Variants in KRT8 observed in about 807,000 individuals in gnomAD.
KRT8 encodes keratin, type II cytoskeletal 8.
In KRT8, 24 loss-of-function variants were observed where a neutral mutation model predicts 43.0. The ratio of observed to expected loss-of-function variants is 0.56; its 90% confidence interval spans 0.40 to 0.78. The LOEUF (loss-of-function observed/expected upper bound fraction) is 0.78. KRT8 is among the 30% of genes least tolerant of loss of function. KRT8 has a pLI of 0.00. For synonymous variants in KRT8, 214 were observed against 261.2 expected (o/e 0.82, Z 1.74); for missense variants, 492 against 638.4 (o/e 0.77, Z 2.47).
intron 2 of KRT8, among the ~76,000 whole-genome samples, chr12:52,925,440 T>G (rs893295312): frequency 3.3e-5 from 5 of 152,148 alleles, no homozygotes; most frequent in Non-Finnish European, 7.4e-5. Flanking sequence ...TGGCGCCATT[T>G]AGGGTCTGAA....
chr12:52,947,749 T>C (rs1482407325), intron 2 of KRT8: 2 of 147,760 alleles, frequency 1.4e-5, no homozygotes, highest in African/African-American at 5.1e-5. Context: ...CTCTGTTGTC[T>C]AGGCTGGAGT....
intron 2 of KRT8, among the ~76,000 whole-genome samples, chr12:52,918,422 G>A (rs1012257314): frequency 6.6e-6 from 1 of 152,096 alleles, no homozygotes; most frequent in Non-Finnish European, 1.5e-5. Context: ...GATCCCACCA[G>A]GCCGAGATGG....
At chr12:52,909,047 T>C (rs994308748), upstream of KRT8, among the ~76,000 whole-genome samples, 1 of 152,148 alleles carries the variant, frequency 6.6e-6, no homozygotes, top group Non-Finnish European at 1.5e-5. Flanking sequence ...AATTTGATGA[T>C]GGTGAAGCTG....
chr12:52,948,994 A>C (rs1942403836), intron 2 of KRT8: 1 of 507,716 alleles, frequency 2.0e-6, no homozygotes, highest in Non-Finnish European at 3.4e-6. Flanking sequence ...CCCGGGGCGG[A>C]GCGGCCCGGG....
rs187809440 is a variant in KRT8 at position 52,935,447 on chromosome 12, C to T, written c.-47+14009G>A. On this transcript the variant is annotated intron_variant, in intron 2 of 6. Coordinates refer to the KRT8 transcript ENST00000546826. ...GTGGCTCACACCTGTAATCCCAGCA[C>T]TCTGGGAGGCCGAGGCGGGTGTATC... Among the ~76,000 whole-genome samples the T allele has an allele frequency of 1.6e-3, 218 of 134,058 alleles. 3 individuals are homozygous for T. In the East Asian group the frequency reaches 0.03, roughly 18 times the overall value. 87.9% of individuals were successfully genotyped at this position (134,058 alleles called of 152,430 possible). A position where few individuals can be genotyped will look rare whatever the true frequency, so the allele number is the denominator to read the frequency against.
upstream of KRT8, among the ~76,000 whole-genome samples, chr12:52,907,746 C>T (rs1941551664): frequency 6.6e-6 from 1 of 152,202 alleles, no homozygotes; most frequent in South Asian, 2.1e-4. Context: ...CCAAACCTTC[C>T]CCCAGATGCC....
rs1395980335 is a variant in KRT8 at position 52,933,585 on chromosome 12, C to G, written c.-47+15871G>C. ...GATTCTAATAATGTAGACAAAAAAG[C>G]AAAGGGCCTAGAATAACCAAAACAA... is the stretch of plus-strand genomic sequence containing the variant. On this transcript the variant is annotated intron_variant, in intron 2 of 6. Transcript: ENST00000546826. Among the ~76,000 whole-genome samples, 7 of 152,070 alleles carry G rather than the reference C, an allele frequency of 4.6e-5. No homozygotes were observed. In the East Asian group the frequency reaches 1.3e-3, roughly 29 times the overall value.
At chr12:52,942,752 G>C (rs1942287166) in intron 2 of KRT8, among the ~76,000 whole-genome samples, 1 of 151,972 alleles carries the variant, frequency 6.6e-6, no homozygotes, top group African/African-American at 2.4e-5. Context: ...AGTGTTTCTT[G>C]TGTGGCTGGT....
chr12:52,902,206 G>A (rs1484036898), intron 1 of KRT8, 134 bp from the exon 2 acceptor site: 3 of 668,032 alleles, frequency 4.5e-6, no homozygotes, highest in Non-Finnish European at 8.1e-6. Flanking sequence ...CTGGTTAGCT[G>A]TTCTGGAAAG....
exon 7 of KRT8, chr12:52,898,512 A>G: frequency 2.5e-6 from 4 of 1,613,770 alleles, no homozygotes; most frequent in Non-Finnish European, 3.4e-6. Flanking sequence ...TGCATCCCAG[A>G]CTCCAGCCTG....
intron 2 of KRT8, chr12:52,926,492 C>T (rs1426461713): frequency 1.2e-5 from 19 of 1,530,938 alleles, no homozygotes; most frequent in Non-Finnish European, 1.7e-5. Context: ...TCAGGCACCT[C>T]CCCACAAAGC....
intron 2 of KRT8, among the ~76,000 whole-genome samples, chr12:52,942,784 G>A (rs899001715): frequency 1.3e-5 from 2 of 152,002 alleles, no homozygotes; most frequent in Admixed American, 1.3e-4. Context: ...GCCATGTTGT[G>A]TAACTGCTGT....
chr12:52,926,394 C>A (rs1183720570), intron 2 of KRT8: 1 of 1,522,664 alleles, frequency 6.6e-7, no homozygotes, highest in East Asian at 2.5e-5. Context: ...TTGTCACCTG[C>A]ACCTGTTGAA....
At chr12:52,933,084 C>A (rs1942110951) in intron 2 of KRT8, among the ~76,000 whole-genome samples, 1 of 152,130 alleles carries the variant, frequency 6.6e-6, no homozygotes. Flanking sequence ...GCTGGGATTA[C>A]AGGCACTCAC....
chr12:52,929,352 C>T (rs1289282103), intron 2 of KRT8, among the ~76,000 whole-genome samples: 1 of 152,068 alleles, frequency 6.6e-6, no homozygotes, highest in Non-Finnish European at 1.5e-5. Flanking sequence ...CCACCACGCC[C>T]AGCTGATTTT....
intron 2 of KRT8, among the ~76,000 whole-genome samples, chr12:52,931,873 G>A (rs781570836): frequency 3.6e-4 from 55 of 152,048 alleles, no homozygotes; most frequent in Non-Finnish European, 6.2e-4. Flanking sequence ...ATGTTGGCCA[G>A]GCTGGTCTCA....
intron 2 of KRT8, among the ~76,000 whole-genome samples, chr12:52,917,705 T>C (rs1941768664): frequency 2.2e-5 from 1 of 45,636 alleles, no homozygotes; most frequent in South Asian, 8.9e-4. Flanking sequence ...CGAGACTCTG[T>C]CTCAAAAAAA....
intron 2 of KRT8, among the ~76,000 whole-genome samples, chr12:52,938,519 G>T (rs1364981152): frequency 6.6e-6 from 1 of 151,866 alleles, no homozygotes; most frequent in African/African-American, 2.4e-5. Context: ...GCTCAGGCAT[G>T]TAATCCCAGC....
intron 2 of KRT8, among the ~76,000 whole-genome samples, chr12:52,927,374 T>TCC (rs1349440447): frequency 4.6e-5 from 7 of 152,094 alleles, no homozygotes; most frequent in Non-Finnish European, 1.0e-4. Context: ...CCCTTGGGCC[T>TCC]CCCCTGGGGA....
Sources: allele counts gnomAD v4.1 joint callset (sites outside exome capture counted in the v4.1 genomes callset), GRCh38; gene constraint gnomAD v4.1.1; transcripts MANE v1.5; gene names NCBI Gene and HGNC (gene_info 2026-07-23, HGNC 2026-07-21).